ARAP2: variants seen among roughly 807,000 people sequenced by gnomAD.
ARAP2 encodes the protein ArfGAP with RhoGAP domain, ankyrin repeat and PH domain 2.
Under a neutral mutation model 194.5 loss-of-function variants are expected in ARAP2, and 148 were observed. The ratio of observed to expected loss-of-function variants is 0.76; its 90% CI spans 0.67 to 0.87. The LOEUF (loss-of-function observed/expected upper bound fraction) is 0.87, where lower values mean the gene tolerates loss of function less well. Ranked by LOEUF, ARAP2 falls within the 40% of genes least tolerant of loss-of-function variation. The probability of loss-of-function intolerance (pLI) is 0.00; values close to 1 mark genes in which losing one functional copy is unlikely to be tolerated. For synonymous variants in ARAP2, 695 were observed against 683.5 expected (o/e 1.02, Z -0.26); for missense variants, 2,128 against 1,989.7 (o/e 1.07, Z -1.32).
At chr4:36,203,596 C>T (rs1744910145) in intron 6 of ARAP2, among the ~76,000 whole-genome samples, 1 of 151,346 alleles carries the variant, frequency 6.6e-6, no homozygotes, top group African/African-American at 2.4e-5. Context: ...AAAAACAAAA[C>T]AAAACAAAAC....
intron 27 of ARAP2, among the ~76,000 whole-genome samples, chr4:36,093,489 A>G (rs1181181653): frequency 1.3e-5 from 2 of 152,148 alleles, no homozygotes; most frequent in East Asian, 3.9e-4. Context: ...TCCACACATT[A>G]TATACACTCT....
chr4:36,211,757 T>G (rs1010392469), intron 5 of ARAP2, among the ~76,000 whole-genome samples: 5 of 152,144 alleles, frequency 3.3e-5, no homozygotes, highest in Admixed American at 1.3e-4. Context: ...ATATTCCGTT[T>G]TCCATGATGT....
chr4:36,033,862 A>C (rs575511793), intron 5 of ARAP2, among the ~76,000 whole-genome samples: 2 of 152,278 alleles, frequency 1.3e-5, no homozygotes, highest in South Asian at 4.1e-4. Context: ...AATCTTCTGC[A>C]TATGGCTAGC....
chr4:36,049,080 G>C (rs1453163671), intron 3 of ARAP2, among the ~76,000 whole-genome samples: 1 of 151,830 alleles, frequency 6.6e-6, no homozygotes, highest in Non-Finnish European at 1.5e-5. Context: ...TCTCAGGATT[G>C]ATTTACCTAT....
intron 1 of ARAP2, among the ~76,000 whole-genome samples, chr4:36,230,583 T>G (rs964407987): frequency 6.6e-6 from 1 of 152,248 alleles, no homozygotes; most frequent in African/African-American, 2.4e-5. Flanking sequence ...CAAAATAAAA[T>G]TTTTTAAAAG....
intron 5 of ARAP2, among the ~76,000 whole-genome samples, chr4:36,027,383 T>C (rs917262836): frequency 6.6e-6 from 1 of 151,954 alleles, no homozygotes; most frequent in African/African-American, 2.4e-5. Flanking sequence ...CCTCTGATTG[T>C]AAGCCTCCCT....
chr4:36,023,993 T>G (rs1287263352), intron 5 of ARAP2, among the ~76,000 whole-genome samples: 1 of 152,094 alleles, frequency 6.6e-6, no homozygotes, highest in Non-Finnish European at 1.5e-5. Flanking sequence ...GTGATTCTGT[T>G]AGGAGAGACA....
intron 6 of ARAP2, among the ~76,000 whole-genome samples, chr4:36,204,537 A>G (rs1232599469): frequency 6.6e-6 from 1 of 152,184 alleles, no homozygotes; most frequent in Non-Finnish European, 1.5e-5. Flanking sequence ...GGGAATCCCA[A>G]GATGTTAGTG....
At chr4:36,046,977 A>C (rs1366414314) in intron 3 of ARAP2, 1 of 152,232 alleles carries the variant, frequency 6.6e-6, no homozygotes, top group Non-Finnish European at 1.5e-5. Context: ...GTCAAGAAGC[A>C]TATATTCCGG....
intron 2 of ARAP2, among the ~76,000 whole-genome samples, chr4:36,224,560 C>T (rs938629697): frequency 1.8e-4 from 27 of 152,176 alleles, no homozygotes; most frequent in African/African-American, 6.5e-4. Flanking sequence ...ATTTTTTAAT[C>T]TACTAGCAAA....
intron 20 of ARAP2, among the ~76,000 whole-genome samples, chr4:36,131,126 A>G (rs911183708): frequency 4.0e-5 from 6 of 151,876 alleles, no homozygotes; most frequent in Admixed American, 2.6e-4. Flanking sequence ...CAATGAAACC[A>G]TCTGCATCCT....
intron 5 of ARAP2, among the ~76,000 whole-genome samples, chr4:36,042,812 C>A (rs1577636403): frequency 6.7e-6 from 1 of 150,202 alleles, no homozygotes; most frequent in Admixed American, 6.7e-5. Context: ...TTCATCCAAT[C>A]AATAAATCCA....
At chr4:36,150,865 C>A (rs762104727) in intron 16 of ARAP2, 35 bp downstream of exon 16, 1 of 1,587,816 alleles carries the variant, frequency 6.3e-7, no homozygotes, top group South Asian at 1.2e-5. Flanking sequence ...TCTGAAAATA[C>A]CTTTTACCTC....
intron 9 of ARAP2, among the ~76,000 whole-genome samples, chr4:36,172,424 C>T (rs1266094050): frequency 2.0e-5 from 3 of 152,108 alleles, no homozygotes; most frequent in African/African-American, 7.2e-5. Flanking sequence ...CCACTTAATT[C>T]TTTCATTTGA....
At position 36,164,911 on chromosome 4, in the gene ARAP2, T is replaced by A; in HGVS notation, c.2173+3A>T. On this transcript the variant is annotated splice_donor_region_variant and intron_variant, in intron 11 of 32. Coordinates refer to ENST00000303965, the MANE Select transcript of ARAP2 (RefSeq NM_015230.4). ...GTGATGAGCATAACTTGTCACTAATTACCTGCACACTTCTTACAGATGACA... is the reference window on the plus strand; with the variant it reads ...GTGATGAGCATAACTTGTCACTAATAACCTGCACACTTCTTACAGATGACA... 1.2e-6 allele frequency: 2 copies of A among 1,613,752 alleles called. No individual in the cohort carries two copies. Among genetic ancestry groups the A allele is most frequent in the Non-Finnish European group, 1.7e-6 (2 of 1,179,672 alleles).
chr4:36,190,519 T>G (rs1431059233), intron 7 of ARAP2, among the ~76,000 whole-genome samples: 1 of 152,238 alleles, frequency 6.6e-6, no homozygotes, highest in Non-Finnish European at 1.5e-5. Context: ...GAAATTCATT[T>G]CTTATCACTT....
Position 36,160,650 on chromosome 4 carries a change from T to TAAA in ARAP2, c.2260-10_2260-9insTTT. 2 of 1,308,662 alleles carry TAAA rather than the reference T, an allele frequency of 1.5e-6. No homozygotes were observed. The highest frequency in any genetic ancestry group is 2.0e-5 in the South Asian group (1 of 50,992). The allele number at this position is 1,308,662 out of a possible 1,614,324, so 81.1% of individuals were successfully genotyped here. A position where few individuals can be genotyped will look rare whatever the true frequency, so the allele number is the denominator to read the frequency against. ...CCAATGACAATAAAAAGCTGAATTG[T>TAAA]CAAAAAAAAAACCCCATAATATATC... On this transcript the variant is annotated splice_polypyrimidine_tract_variant and intron_variant, in intron 12 of 32. Coordinates refer to ENST00000303965, the MANE Select transcript of ARAP2 (RefSeq NM_015230.4).
chr4:36,025,867 G>A (rs1475297878), intron 5 of ARAP2, among the ~76,000 whole-genome samples: 25 of 151,956 alleles, frequency 1.6e-4, no homozygotes, highest in Admixed American at 1.6e-3. Context: ...TCCCCCAAGA[G>A]TATCTTAAAA....
intron 2 of ARAP2, among the ~76,000 whole-genome samples, chr4:36,225,573 C>A (rs572349901): frequency 2.0e-5 from 3 of 152,148 alleles, no homozygotes; most frequent in Non-Finnish European, 2.9e-5. Context: ...ATTGTCCAGG[C>A]CAGCCCTCCA....
Sources: gnomAD v4.1 joint callset for allele counts (sites outside exome capture counted in the v4.1 genomes callset) on GRCh38, gnomAD v4.1.1 for gene constraint, MANE v1.5 for transcripts, NCBI Gene and HGNC (gene_info 2026-07-23, HGNC 2026-07-21) for gene names.